SCHIP1: variants seen among roughly 807,000 people sequenced by gnomAD.
SCHIP1 encodes schwannomin-interacting protein 1.
SCHIP1 carries 8 observed loss-of-function variants against 29.7 expected under a neutral mutation model. The ratio of observed to expected loss-of-function variants is 0.27; its 90% CI spans 0.16 to 0.49. The LOEUF (loss-of-function observed/expected upper bound fraction) is 0.49, where lower values mean the gene tolerates loss of function less well. Ranked by LOEUF, SCHIP1 falls within the 20% of genes least tolerant of loss-of-function variation. The probability of loss-of-function intolerance (pLI) is 0.99; values close to 1 mark genes in which losing one functional copy is unlikely to be tolerated. For missense variants in SCHIP1, 193 were observed against 294.6 expected (o/e 0.66, Z 2.52); for synonymous variants, 76 against 94.9 (o/e 0.80, Z 1.16).
chr3:159,739,473 A>G, the SCHIP1 span, among the ~76,000 whole-genome samples: 5 of 152,238 alleles, frequency 3.3e-5, no homozygotes, highest in African/African-American at 1.2e-4. Flanking sequence ...TTTTCCTTCA[A>G]GAAGAAGGCT....
chr3:159,447,601 A>G, the SCHIP1 span, among the ~76,000 whole-genome samples: 2 of 152,162 alleles, frequency 1.3e-5, no homozygotes, highest in Non-Finnish European at 2.9e-5. Flanking sequence ...AATCAAACAA[A>G]TCACTTTTTT....
chr3:159,490,166 G>A, the SCHIP1 span, among the ~76,000 whole-genome samples: 1 of 152,124 alleles, frequency 6.6e-6, no homozygotes, highest in African/African-American at 2.4e-5. Flanking sequence ...TGTATAGAAT[G>A]TGAAATGATC....
In SCHIP1 at chr3:159,892,241, A is replaced by T. The variant is rs1307601942; in HGVS notation, c.683+51A>T. ...AGAAGAAAAGCCCAGGGTGGTCTGA[A>T]ATCTAAGAATTAGGCAAAAACTAGC... On this transcript the variant is annotated intron_variant, in intron 6 of 6. Transcript: ENST00000445224. 3 of 1,607,214 alleles carry T rather than the reference A, an allele frequency of 1.9e-6. No individual in the cohort carries two copies. The South Asian group carries it at 3.3e-5, about 18-fold the overall frequency.
At chr3:159,574,065 T>C in the SCHIP1 span, among the ~76,000 whole-genome samples, 15,781 of 152,208 alleles carry the variant, frequency 0.1, 905 homozygotes, top group East Asian at 0.21. Context: ...CATCCTCCTT[T>C]GGCTCAGAGA....
At chr3:159,740,272 C>T in the SCHIP1 span, among the ~76,000 whole-genome samples, 1 of 152,342 alleles carries the variant, frequency 6.6e-6, no homozygotes, top group East Asian at 1.9e-4. Flanking sequence ...TGGGGAGGAG[C>T]TGGCTGCAGG....
At chr3:159,325,315 T>C in the SCHIP1 span, among the ~76,000 whole-genome samples, 167 of 152,294 alleles carry the variant, frequency 1.1e-3, no homozygotes, top group Non-Finnish European at 1.9e-3. Context: ...GTCTCCAGTT[T>C]GATAGTTGAA....
At chr3:159,812,998 C>T in the SCHIP1 span, among the ~76,000 whole-genome samples, 1 of 152,120 alleles carries the variant, frequency 6.6e-6, no homozygotes, top group Non-Finnish European at 1.5e-5. Flanking sequence ...TGAGAGGCAG[C>T]CTTGCTTTAT....
the SCHIP1 span, among the ~76,000 whole-genome samples, chr3:159,567,194 A>C: frequency 6.6e-6 from 1 of 151,844 alleles, no homozygotes; most frequent in South Asian, 2.1e-4. Flanking sequence ...TTTCTATTAC[A>C]TTGTTTCTTT....
chr3:159,484,333 C>A, the SCHIP1 span, among the ~76,000 whole-genome samples: 1 of 152,132 alleles, frequency 6.6e-6, no homozygotes, highest in Non-Finnish European at 1.5e-5. Flanking sequence ...TTGAAACTAA[C>A]TGAAAAGTGA....
chr3:159,468,515 A>G, the SCHIP1 span, among the ~76,000 whole-genome samples: 2 of 151,976 alleles, frequency 1.3e-5, no homozygotes, highest in African/African-American at 2.4e-5. Context: ...TTGTGTCACT[A>G]GTTAGATAAG....
the SCHIP1 span, among the ~76,000 whole-genome samples, chr3:159,338,599 C>T: frequency 6.0e-4 from 92 of 152,220 alleles, no homozygotes; most frequent in Non-Finnish European, 1.1e-3. Flanking sequence ...ATCTTCTATG[C>T]AGTGCATAGA....
chr3:159,640,753 A>G, the SCHIP1 span, among the ~76,000 whole-genome samples: 1 of 152,172 alleles, frequency 6.6e-6, no homozygotes, highest in Non-Finnish European at 1.5e-5. Flanking sequence ...TGTTGGTTTC[A>G]TTACCATTGA....
At chr3:159,561,020 T>C in the SCHIP1 span, among the ~76,000 whole-genome samples, 43 of 152,350 alleles carry the variant, frequency 2.8e-4, no homozygotes, top group African/African-American at 1.0e-3. Context: ...TGGTGCTGTA[T>C]TTCAGAAACA....
chr3:159,756,225 C>T, the SCHIP1 span, among the ~76,000 whole-genome samples: 126 of 152,352 alleles, frequency 8.3e-4, 1 homozygote, highest in Non-Finnish European at 1.2e-3. Context: ...AAACTTCTGC[C>T]TGGGCATCCA....
the SCHIP1 span, among the ~76,000 whole-genome samples, chr3:159,626,272 A>ATAGATAGG: frequency 6.9e-6 from 1 of 144,854 alleles, no homozygotes; most frequent in East Asian, 2.1e-4. Context: ...AGATAGATAG[A>ATAGATAGG]TAGATAGATA....
the SCHIP1 span, among the ~76,000 whole-genome samples, chr3:159,794,678 G>T: frequency 6.6e-6 from 1 of 152,148 alleles, no homozygotes; most frequent in Non-Finnish European, 1.5e-5. Flanking sequence ...ATGCATGTAA[G>T]ATATCATTCT....
the SCHIP1 span, among the ~76,000 whole-genome samples, chr3:159,701,058 T>G: frequency 3.7e-4 from 56 of 152,264 alleles, 1 homozygote; most frequent in Admixed American, 1.9e-3. Context: ...TGTTATGCGA[T>G]TAAATACAAT....
the SCHIP1 span, among the ~76,000 whole-genome samples, chr3:159,689,018 A>G: frequency 6.6e-6 from 1 of 152,158 alleles, no homozygotes; most frequent in Admixed American, 6.5e-5. Context: ...GTATAGTTTG[A>G]AGGCAGGTAA....
the SCHIP1 span, among the ~76,000 whole-genome samples, chr3:159,576,149 G>A: frequency 1.3e-5 from 2 of 152,132 alleles, no homozygotes; most frequent in Admixed American, 1.3e-4. Flanking sequence ...AATGTTTGAG[G>A]TGATGGATAT....
Sources: allele counts gnomAD v4.1 joint callset (sites outside exome capture counted in the v4.1 genomes callset), GRCh38; gene constraint gnomAD v4.1.1; transcripts MANE v1.5; gene names NCBI Gene and HGNC (gene_info 2026-07-23, HGNC 2026-07-21).